DOK6: variants seen among roughly 807,000 people sequenced by gnomAD.
DOK6 encodes docking protein 6, also known as downstream of tyrosine kinase 6.
In DOK6, 22 loss-of-function variants were observed where a neutral mutation model predicts 44.0. The ratio of observed to expected loss-of-function variants is 0.50; its 90% CI spans 0.36 to 0.71. The LOEUF is 0.71. Ranked by LOEUF, DOK6 falls within the 30% of genes least tolerant of loss-of-function variation. The pLI, the probability that DOK6 is intolerant of heterozygous loss-of-function variation, is 0.00. For missense variants in DOK6, 340 were observed against 416.4 expected (o/e 0.82, Z 1.60); for synonymous variants, 166 against 145.5 (o/e 1.14, Z -1.01).
chr18:69,647,153 C>T (rs751125763), intron 3 of DOK6, among the ~76,000 whole-genome samples: 1 of 149,582 alleles, frequency 6.7e-6, no homozygotes, highest in Non-Finnish European at 1.5e-5. Context: ...CCCTATCCAT[C>T]TATCCTATCC....
intron 4 of DOK6, among the ~76,000 whole-genome samples, chr18:69,693,784 C>A (rs1028947936): frequency 6.6e-6 from 1 of 151,990 alleles, no homozygotes. Flanking sequence ...TTAGGCCGGG[C>A]GCGGTGGTTC....
At chr18:69,586,822 A>G (rs2144613983) in intron 2 of DOK6, among the ~76,000 whole-genome samples, 1 of 152,260 alleles carries the variant, frequency 6.6e-6, no homozygotes, top group Admixed American at 6.5e-5. Flanking sequence ...GCCCGAATGG[A>G]ACTTCACCTC....
chr18:69,558,891 G>C (rs1296387428), intron 1 of DOK6, among the ~76,000 whole-genome samples: 2 of 152,018 alleles, frequency 1.3e-5, no homozygotes, highest in Non-Finnish European at 2.9e-5. Context: ...ATGTACCATT[G>C]TTATATAGGA....
At chr18:69,426,173 T>A (rs377639536) in intron 1 of DOK6, among the ~76,000 whole-genome samples, 8 of 152,160 alleles carry the variant, frequency 5.3e-5, no homozygotes, top group African/African-American at 1.9e-4. Context: ...TTTCTGCATA[T>A]GTGTAGGTAA....
At chr18:69,476,517 AGGGATTAGAGAAGCCTT>A (rs1177733335) in intron 1 of DOK6, among the ~76,000 whole-genome samples, 232 of 152,196 alleles carry the variant, frequency 1.5e-3, no homozygotes, top group East Asian at 0.011. Flanking sequence ...TCTCAGAAGG[AGGGATTAGAGAAGCCTT>A]ACTCTGGACA....
At chr18:69,583,591 A>G (rs61211020) in intron 2 of DOK6, among the ~76,000 whole-genome samples, 23,739 of 151,992 alleles carry the variant, frequency 0.16, 2,452 homozygotes, top group African/African-American at 0.28. Context: ...AGTTTACTTT[A>G]AGAAATACTT....
At chr18:69,471,711 C>T (rs1479287705) in intron 1 of DOK6, 1 of 151,518 alleles carries the variant, frequency 6.6e-6, no homozygotes, top group Non-Finnish European at 1.5e-5. Flanking sequence ...CTGAAAGAGA[C>T]GTCTAATCAA....
chr18:69,609,748 C>G (rs1481884653), intron 3 of DOK6, among the ~76,000 whole-genome samples: 2 of 152,134 alleles, frequency 1.3e-5, no homozygotes, highest in Non-Finnish European at 2.9e-5. Flanking sequence ...GCACTATTCA[C>G]AACAGCCAAG....
intron 1 of DOK6, among the ~76,000 whole-genome samples, chr18:69,496,495 C>T (rs1980895049): frequency 6.6e-6 from 1 of 152,234 alleles, no homozygotes; most frequent in Non-Finnish European, 1.5e-5. Context: ...CTATCTCGTT[C>T]AGCTATTTTC....
At chr18:69,728,209 G>A (rs1300514992) in intron 5 of DOK6, among the ~76,000 whole-genome samples, 2 of 152,222 alleles carry the variant, frequency 1.3e-5, no homozygotes, top group Non-Finnish European at 2.9e-5. Flanking sequence ...AGTCAGGAGT[G>A]TAACCTTTAG....
intron 3 of DOK6, among the ~76,000 whole-genome samples, chr18:69,613,144 T>C (rs148250141): frequency 0.021 from 3,211 of 152,340 alleles, 45 homozygotes; most frequent in Non-Finnish European, 0.03. Context: ...GTGCTGGGAT[T>C]ACAGGCGGGA....
intron 7 of DOK6, among the ~76,000 whole-genome samples, chr18:69,812,488 G>C (rs1292695302): frequency 6.6e-6 from 1 of 152,114 alleles, no homozygotes; most frequent in Non-Finnish European, 1.5e-5. Context: ...ACGGGCTGCT[G>C]TCAGCTCCCA....
intron 6 of DOK6, among the ~76,000 whole-genome samples, chr18:69,753,907 T>C (rs1979268193): frequency 6.6e-6 from 1 of 152,118 alleles, no homozygotes; most frequent in South Asian, 2.1e-4. Flanking sequence ...AACACATGTA[T>C]CCATCTTGTT....
chr18:69,625,848 T>TATC (rs1440735576), intron 3 of DOK6, among the ~76,000 whole-genome samples: 24 of 152,214 alleles, frequency 1.6e-4, no homozygotes, highest in African/African-American at 5.5e-4. Context: ...CTCAACGGTT[T>TATC]AATGCATAAA....
intron 1 of DOK6, among the ~76,000 whole-genome samples, chr18:69,533,251 C>T (rs1378337317): frequency 6.6e-6 from 1 of 150,644 alleles, no homozygotes; most frequent in East Asian, 2.0e-4. Flanking sequence ...TATAGTATTG[C>T]TCACTAATAA....
intron 3 of DOK6, among the ~76,000 whole-genome samples, chr18:69,639,107 G>T (rs531418988): frequency 1.2e-4 from 18 of 152,236 alleles, no homozygotes; most frequent in Middle Eastern, 3.4e-3. Context: ...CTGCAGTCTA[G>T]AAGATGCAAA....
intron 3 of DOK6, among the ~76,000 whole-genome samples, chr18:69,630,324 C>G (rs986741646): frequency 2.6e-5 from 4 of 152,054 alleles, no homozygotes; most frequent in South Asian, 2.1e-4. Context: ...TCCATTGTTC[C>G]TTTTATTATA....
At chr18:69,428,742 C>T (rs1014468010) in intron 1 of DOK6, among the ~76,000 whole-genome samples, 1 of 152,170 alleles carries the variant, frequency 6.6e-6, no homozygotes, top group African/African-American at 2.4e-5. Flanking sequence ...CCAACAACCT[C>T]TCTATTCTCC....
At chr18:69,686,024 A>C (rs1568333373) in intron 4 of DOK6, among the ~76,000 whole-genome samples, 1 of 152,118 alleles carries the variant, frequency 6.6e-6, no homozygotes, top group Non-Finnish European at 1.5e-5. Context: ...AGTACCTTTA[A>C]AGAGGTAACT....
Sources: gnomAD v4.1 joint callset for allele counts (sites outside exome capture counted in the v4.1 genomes callset) on GRCh38, gnomAD v4.1.1 for gene constraint, MANE v1.5 for transcripts, NCBI Gene and HGNC (gene_info 2026-07-23, HGNC 2026-07-21) for gene names.